Variants in CFAP263 observed in about 807,000 individuals in gnomAD.
The protein encoded by CFAP263 is cilia- and flagella-associated protein 263.
chr16:58,268,319 A>G, the CFAP263 span, among the ~76,000 whole-genome samples: 2 of 152,196 alleles, frequency 1.3e-5, no homozygotes, highest in South Asian at 2.1e-4. Flanking sequence ...ATAGGATATG[A>G]TGCAAAGAGA....
chr16:58,269,393 A>AGAGGAAAGAAAGGAAAGAAAGGAAGG, the CFAP263 span, among the ~76,000 whole-genome samples: 1 of 97,736 alleles, frequency 1.0e-5, no homozygotes, highest in Non-Finnish European at 2.2e-5. Context: ...AAGGAAGGAA[A>AGAGGAAAGAAAGGAAAGAAAGGAAGG]GAGGAAAGAA....
chr16:58,280,715 C>T, the CFAP263 span: 35 of 1,613,400 alleles, frequency 2.2e-5, no homozygotes, highest in South Asian at 7.7e-5. Flanking sequence ...ACCCACAGAT[C>T]GAACTGCTGT....
At chr16:58,276,426 C>G in the CFAP263 span, among the ~76,000 whole-genome samples, 1 of 152,146 alleles carries the variant, frequency 6.6e-6, no homozygotes, top group African/African-American at 2.4e-5. Context: ...GGGTTTTGCA[C>G]CCTAAACACA....
At chr16:58,258,107 C>CAAA in the CFAP263 span, among the ~76,000 whole-genome samples, 7 of 82,318 alleles carry the variant, frequency 8.5e-5, 1 homozygote, top group South Asian at 1.6e-3. Context: ...GACTCTGTCT[C>CAAA]AAAAAAAAAA....
At chr16:58,254,835 G>A in the CFAP263 span, among the ~76,000 whole-genome samples, 1 of 152,034 alleles carries the variant, frequency 6.6e-6, no homozygotes, top group Non-Finnish European at 1.5e-5. Context: ...TCGATCTCCT[G>A]ACCTCATGAT....
At chr16:58,280,701 C>T in the CFAP263 span, 5 of 1,614,100 alleles carry the variant, frequency 3.1e-6, no homozygotes, top group Admixed American at 3.3e-5. Flanking sequence ...GGACTCCTCT[C>T]AGAACCCACA....
the CFAP263 span, among the ~76,000 whole-genome samples, chr16:58,262,787 A>ATAGATAGATAGATAGATAGGTAGATAGG: frequency 6.7e-6 from 1 of 150,350 alleles, no homozygotes; most frequent in African/African-American, 2.5e-5. Flanking sequence ...AGATAGATAG[A>ATAGATAGATAGATAGATAGGTAGATAGG]TAGATAGATA....
chr16:58,274,164 G>T, the CFAP263 span, among the ~76,000 whole-genome samples: 4 of 152,224 alleles, frequency 2.6e-5, no homozygotes, highest in East Asian at 1.9e-4. Flanking sequence ...CTTTGCAGGG[G>T]CAAGGTGTTG....
chr16:58,259,933 A>C, the CFAP263 span: 1 of 1,594,030 alleles, frequency 6.3e-7, no homozygotes, highest in African/African-American at 1.3e-5. Context: ...CAATTGAGGC[A>C]GGTATGTGGT....
At chr16:58,277,221 A>G in the CFAP263 span, among the ~76,000 whole-genome samples, 1 of 151,996 alleles carries the variant, frequency 6.6e-6, no homozygotes, top group African/African-American at 2.4e-5. Context: ...CTCCACCTCC[A>G]GGGTTCAAGC....
the CFAP263 span, among the ~76,000 whole-genome samples, chr16:58,272,937 G>T: frequency 2.0e-5 from 3 of 152,126 alleles, no homozygotes; most frequent in African/African-American, 7.2e-5. Context: ...TTGATTGTTT[G>T]CTTTCATTTT....
the CFAP263 span, chr16:58,253,916 A>G: frequency 2.7e-6 from 4 of 1,489,052 alleles, no homozygotes; most frequent in Admixed American, 5.2e-5. Context: ...CTAGCAGGTC[A>G]GAGGATCATT....
chr16:58,280,649 T>C, the CFAP263 span: 2 of 1,614,130 alleles, frequency 1.2e-6, no homozygotes, highest in Non-Finnish European at 1.7e-6. Context: ...TCCACCTTGG[T>C]GTACAGAAAC....
At chr16:58,257,307 G>A in the CFAP263 span, among the ~76,000 whole-genome samples, 1 of 112,148 alleles carries the variant, frequency 8.9e-6, no homozygotes, top group Non-Finnish European at 2.1e-5. Context: ...GTGAGCCACC[G>A]CGCCCAGCCT....
the CFAP263 span, among the ~76,000 whole-genome samples, chr16:58,276,915 AT>A: frequency 2.6e-5 from 4 of 152,208 alleles, no homozygotes; most frequent in Non-Finnish European, 4.4e-5. Context: ...GTATGCTACT[AT>A]TTAGGTCAAA....
At chr16:58,273,944 T>C in the CFAP263 span, among the ~76,000 whole-genome samples, 1 of 152,226 alleles carries the variant, frequency 6.6e-6, no homozygotes, top group African/African-American at 2.4e-5. Flanking sequence ...TAGTCATGGA[T>C]ACAATTGCCC....
the CFAP263 span, among the ~76,000 whole-genome samples, chr16:58,270,326 A>G: frequency 6.6e-6 from 1 of 152,330 alleles, no homozygotes; most frequent in African/African-American, 2.4e-5. Flanking sequence ...GGGAAAAATC[A>G]TCGAACACAA....
At chr16:58,258,663 A>C in the CFAP263 span, 4 of 718,664 alleles carry the variant, frequency 5.6e-6, no homozygotes, top group East Asian at 1.1e-4. Context: ...TGCATCCCTG[A>C]AAGTGTATGT....
the CFAP263 span, among the ~76,000 whole-genome samples, chr16:58,269,375 T>C: frequency 1.1e-4 from 3 of 28,022 alleles, no homozygotes; most frequent in Admixed American, 2.7e-4. Flanking sequence ...CATTTATTTA[T>C]AAGAAGAAAG....
Sources: allele counts gnomAD v4.1 joint callset (sites outside exome capture counted in the v4.1 genomes callset), GRCh38; gene constraint gnomAD v4.1.1; transcripts MANE v1.5; gene names NCBI Gene and HGNC (gene_info 2026-07-23, HGNC 2026-07-21).